TG: variants seen among roughly 807,000 people sequenced by gnomAD.
TG encodes thyroglobulin, also known as thyroid hormones.
A neutral mutation model predicts 324.7 loss-of-function variants in TG; 270 were observed. The ratio of observed to expected loss-of-function variants is 0.83; its 90% CI spans 0.75 to 0.92. TG has a LOEUF of 0.92. TG is among the 40% of genes least tolerant of loss of function. The pLI is 0.00. For missense variants in TG, 3,591 were observed against 3,456.4 expected, an observed-to-expected ratio of 1.04 and a Z score of -0.98; for synonymous variants, 1,401 against 1,327.0, an observed-to-expected ratio of 1.06 and a Z score of -1.21.
chr8:133,069,750 C>A (rs1843670603), intron 41 of TG, among the ~76,000 whole-genome samples: 1 of 152,024 alleles, frequency 6.6e-6, no homozygotes, highest in Non-Finnish European at 1.5e-5. Context: ...CCTATAATCC[C>A]AGCACTTTAG....
intron 45 of TG, among the ~76,000 whole-genome samples, chr8:133,124,882 T>A (rs1851403382): frequency 6.6e-6 from 1 of 152,230 alleles, no homozygotes; most frequent in Non-Finnish European, 1.5e-5. Context: ...ATTCAAAATA[T>A]TATCTTTTTA....
chr8:133,038,859 T>A, intron 41 of TG: 1 of 618,722 alleles, frequency 1.6e-6, no homozygotes, highest in South Asian at 2.1e-5. Flanking sequence ...CTGGTGACTA[T>A]TTCTCTAACT....
intron 40 of TG, among the ~76,000 whole-genome samples, chr8:133,028,461 G>A (rs1249439792): frequency 6.6e-6 from 1 of 152,238 alleles, no homozygotes; most frequent in East Asian, 1.9e-4. Context: ...GCAGGCTGCA[G>A]ACAAGAACAC....
At chr8:132,984,081 C>T (rs75069144) in intron 35 of TG, among the ~76,000 whole-genome samples, 4,092 of 152,262 alleles carry the variant, frequency 0.027, 186 homozygotes, top group African/African-American at 0.093. Context: ...CTCACTGCAC[C>T]GTCCCCTTTT....
chr8:132,901,629 G>A (rs1047300081), intron 16 of TG, 76 bp downstream of exon 16: 33 of 1,495,370 alleles, frequency 2.2e-5, no homozygotes, highest in Middle Eastern at 2.4e-4. Flanking sequence ...AAGTACTAGA[G>A]AAGCTGGGAA....
intron 46 of TG, among the ~76,000 whole-genome samples, chr8:133,132,536 A>AT (rs1852024465): frequency 6.6e-6 from 1 of 152,166 alleles, no homozygotes; most frequent in Non-Finnish European, 1.5e-5. Flanking sequence ...CACCTGCAGA[A>AT]TTGGTTCCTG....
At chr8:133,064,413 T>C (rs1286142963) in intron 41 of TG, among the ~76,000 whole-genome samples, 1 of 152,240 alleles carries the variant, frequency 6.6e-6, no homozygotes, top group African/African-American at 2.4e-5. Flanking sequence ...CTGCAGATAT[T>C]GTTGTATTTA....
chr8:133,035,865 A>T (rs1281527066), intron 41 of TG, among the ~76,000 whole-genome samples: 2 of 152,202 alleles, frequency 1.3e-5, no homozygotes, highest in Non-Finnish European at 1.5e-5. Flanking sequence ...GATCTTTTAA[A>T]CATATCAGTG....
intron 5 of TG, among the ~76,000 whole-genome samples, chr8:132,875,516 C>T (rs2132076500): frequency 6.6e-6 from 1 of 152,346 alleles, no homozygotes; most frequent in East Asian, 1.9e-4. Flanking sequence ...TGTAACTCAT[C>T]TCTGTTCCCC....
intron 30 of TG, among the ~76,000 whole-genome samples, 180 bp downstream of exon 30, chr8:132,966,877 T>C (rs1200274935): frequency 6.6e-6 from 1 of 152,214 alleles, no homozygotes; most frequent in Non-Finnish European, 1.5e-5. Context: ...GGTTACAGTG[T>C]AGTTAATCTC....
intron 41 of TG, among the ~76,000 whole-genome samples, chr8:133,051,380 A>C: frequency 6.6e-6 from 1 of 152,056 alleles, no homozygotes; most frequent in East Asian, 1.9e-4. Flanking sequence ...TCGGGTGTCC[A>C]CTCTGGGACT....
intron 44 of TG, among the ~76,000 whole-genome samples, chr8:133,115,675 T>A (rs1236159637): frequency 6.6e-6 from 1 of 152,192 alleles, no homozygotes; most frequent in Non-Finnish European, 1.5e-5. Flanking sequence ...TTCAAGGAGA[T>A]AAAAGAACTG....
intron 38 of TG, among the ~76,000 whole-genome samples, chr8:133,018,998 T>C (rs1835312860): frequency 6.6e-6 from 1 of 152,230 alleles, no homozygotes; most frequent in African/African-American, 2.4e-5. Context: ...TGCCTTACCA[T>C]GTTAGGATGT....
At position 133,113,413 on chromosome 8, in the gene TG, T is replaced by C. The variant is rs1850426475; in HGVS notation, c.7573-9T>C. On this transcript the variant is annotated splice_polypyrimidine_tract_variant and intron_variant, in intron 43 of 47. Coordinates refer to ENST00000220616, the MANE Select transcript of TG (RefSeq NM_003235.5). ...AACTGAGGAATTTCGTATCTTTTTT[T>C]TTTTCTAGCAATTTGAGGAAAGTCG... 1.2e-6 allele frequency: 2 copies of C among 1,614,076 alleles called. No homozygotes were observed. The highest frequency in any genetic ancestry group is 4.5e-5 in the East Asian group (2 of 44,880).
At chr8:132,919,262 A>G (rs1482154775) in intron 20 of TG, 114 bp from the exon 21 acceptor site, 3 of 1,151,100 alleles carry the variant, frequency 2.6e-6, no homozygotes, top group African/African-American at 3.1e-5. Flanking sequence ...GACATTTGTT[A>G]AATGAATGAG....
chr8:132,941,689 C>T (rs1824465887), intron 26 of TG, 147 bp downstream of exon 26: 2 of 846,434 alleles, frequency 2.4e-6, no homozygotes, highest in Non-Finnish European at 3.8e-6. Context: ...GTACACAATA[C>T]ACACATGATA....
In TG at chr8:132,951,317, T is replaced by C. The variant is rs1826069954; in HGVS notation, c.5401+2374T>C. 2.6e-5 allele frequency among the ~76,000 whole-genome samples: 4 copies of C among 152,186 alleles called. No individual in the cohort carries two copies. The South Asian group carries it at 8.3e-4, about 32-fold the overall frequency. ...ATTCTGAAAATAAAATATCACAGAA[T>C]TTGGTGGAATTCCATGAAGCACAAA... On this transcript the variant is annotated intron_variant, in intron 27 of 47. Transcript: ENST00000220616.
intron 43 of TG, among the ~76,000 whole-genome samples, chr8:133,112,377 C>T (rs11784362): frequency 0.16 from 24,389 of 152,204 alleles, 2,433 homozygotes; most frequent in Non-Finnish European, 0.21. Flanking sequence ...GAGGCTGGGC[C>T]TCACACCAGG....
chr8:133,091,925 C>CTG (rs150968624), intron 41 of TG, among the ~76,000 whole-genome samples: 42 of 151,130 alleles, frequency 2.8e-4, no homozygotes, highest in African/African-American at 6.8e-4. Flanking sequence ...GTGGCTACGT[C>CTG]TGTGTGTGTG....
Sources: allele counts gnomAD v4.1 joint callset (sites outside exome capture counted in the v4.1 genomes callset), GRCh38; gene constraint gnomAD v4.1.1; transcripts MANE v1.5; gene names NCBI Gene and HGNC (gene_info 2026-07-23, HGNC 2026-07-21).